Variants in C19orf38 observed in about 807,000 individuals in gnomAD.
C19orf38 encodes the protein chromosome 19 open reading frame 38.
Under a neutral mutation model 26.6 loss-of-function variants are expected in C19orf38, and 14 were observed. That is an observed-to-expected ratio of 0.53 (90% CI 0.35 to 0.82). The LOEUF (loss-of-function observed/expected upper bound fraction) is 0.82, where lower values mean the gene tolerates loss of function less well. Among genes scored for constraint, C19orf38 ranks in the 40% least tolerant of loss-of-function variants. The pLI, the probability that C19orf38 is intolerant of heterozygous loss-of-function variation, is 0.01. For synonymous variants in C19orf38, 132 were observed against 128.5 expected, an observed-to-expected ratio of 1.03 and a Z score of -0.18; for missense variants, 261 against 299.5, an observed-to-expected ratio of 0.87 and a Z score of 0.95.
At chr19:10,863,130 T>G in intron 5 of C19orf38, 40 bp from the exon 6 acceptor site, 1 of 1,542,952 alleles carries the variant, frequency 6.5e-7, no homozygotes. Context: ...AAGTTACAAC[T>G]GGCCCCCAAT....
chr19:10,842,282 A>G (rs149855882), intron 1 of C19orf38: 161,541 of 905,600 alleles, frequency 0.18, 15,725 homozygotes, highest in Middle Eastern at 0.25. Context: ...TTTTTTTGAG[A>G]CGGAGTCTCA....
intron 6 of C19orf38, 122 bp from the exon 7 acceptor site, chr19:10,869,096 G>T: frequency 7.8e-7 from 1 of 1,284,182 alleles, no homozygotes; most frequent in African/African-American, 1.5e-5. Context: ...GTGGGTGTGG[G>T]TGGGGGCGGG....
chr19:10,864,022 G>A (rs1363094032), intron 6 of C19orf38, among the ~76,000 whole-genome samples: 1 of 152,170 alleles, frequency 6.6e-6, no homozygotes. Context: ...CCCTGACACT[G>A]TGTGACAATG....
At chr19:10,857,360 ATATATATT>A (rs1352153688) in intron 3 of C19orf38, among the ~76,000 whole-genome samples, 2 of 82,086 alleles carry the variant, frequency 2.4e-5, no homozygotes, top group Non-Finnish European at 4.1e-5. Flanking sequence ...ATATATATAT[ATATATATT>A]TTTTTTTTTT....
At chr19:10,868,401 T>C (rs903936702) in intron 6 of C19orf38, among the ~76,000 whole-genome samples, 3 of 152,216 alleles carry the variant, frequency 2.0e-5, no homozygotes, top group Admixed American at 6.5e-5. Flanking sequence ...TTCATCTCTC[T>C]TTAACTAGGA....
chr19:10,859,244 ATGTGTG>A (rs35791729), intron 4 of C19orf38, among the ~76,000 whole-genome samples: 3,586 of 119,378 alleles, frequency 0.03, 50 homozygotes, highest in African/African-American at 0.042. Context: ...GCTTTTATAT[ATGTGTG>A]TGTGTGTGTG....
At chr19:10,846,592 A>T (rs1312566500), upstream of C19orf38, among the ~76,000 whole-genome samples, 1 of 152,206 alleles carries the variant, frequency 6.6e-6, no homozygotes, top group Non-Finnish European at 1.5e-5. Context: ...CACTTTGAAA[A>T]GATCAATAAC....
chr19:10,858,252 A>AAAC, intron 3 of C19orf38, 64 bp from the exon 4 acceptor site: 1 of 1,157,374 alleles, frequency 8.6e-7, no homozygotes, highest in Non-Finnish European at 1.2e-6. Flanking sequence ...AAAAAAAAAA[A>AAAC]CAGAAATTGC....
chr19:10,867,784 C>T (rs910777253), intron 6 of C19orf38, among the ~76,000 whole-genome samples: 3 of 150,322 alleles, frequency 2.0e-5, no homozygotes, highest in African/African-American at 7.3e-5. Flanking sequence ...TCCCAAGTAG[C>T]TGGGATTACA....
chr19:10,845,205 T>C (rs1224990726), upstream of C19orf38, among the ~76,000 whole-genome samples: 1 of 150,584 alleles, frequency 6.6e-6, no homozygotes, highest in Admixed American at 6.6e-5. Flanking sequence ...AATTCAAGAA[T>C]ATTCTGTGTA....
At chr19:10,865,848 T>C (rs2073746051) in intron 6 of C19orf38, among the ~76,000 whole-genome samples, 1 of 151,996 alleles carries the variant, frequency 6.6e-6, no homozygotes, top group Admixed American at 6.6e-5. Flanking sequence ...GGTCTTGCTC[T>C]GTCTCCCACG....
intron 4 of C19orf38, among the ~76,000 whole-genome samples, chr19:10,859,274 G>GTGTA (rs1296755745): frequency 2.3e-5 from 3 of 130,136 alleles, no homozygotes; most frequent in Admixed American, 7.7e-5. Context: ...GTGTGTGTGT[G>GTGTA]TGTGTATGTG....
chr19:10,868,493 G>A (rs1050309731), intron 6 of C19orf38, among the ~76,000 whole-genome samples: 1 of 152,140 alleles, frequency 6.6e-6, no homozygotes, highest in Non-Finnish European at 1.5e-5. Context: ...GAGGGGAGGA[G>A]GAGATAATAC....
At chr19:10,859,806 G>A (rs1193193109) in intron 4 of C19orf38, 109 bp from the exon 5 acceptor site, 13 of 990,900 alleles carry the variant, frequency 1.3e-5, no homozygotes. Flanking sequence ...TGGGTGGGGA[G>A]CAAAGGCTAC....
At chr19:10,850,743 T>G (rs1276943934) in intron 2 of C19orf38, among the ~76,000 whole-genome samples, 176 bp downstream of exon 2, 1 of 152,164 alleles carries the variant, frequency 6.6e-6, no homozygotes, top group Non-Finnish European at 1.5e-5. Flanking sequence ...ATTTGTTGGT[T>G]CACTGAGCTT....
chr19:10,837,592 C>T (rs1285449117), intron 1 of C19orf38, among the ~76,000 whole-genome samples: 3 of 146,190 alleles, frequency 2.1e-5, no homozygotes, highest in African/African-American at 7.6e-5. Flanking sequence ...CTGCAACCTC[C>T]GTCTCCTGGG....
At chr19:10,859,812 G>C in intron 4 of C19orf38, 103 bp from the exon 5 acceptor site, 1 of 1,045,994 alleles carries the variant, frequency 9.6e-7, no homozygotes, top group South Asian at 1.4e-5. Context: ...GGGAGCAAAG[G>C]CTACATTTTG....
chr19:10,845,876 CAAAAAAAA>C (rs967662038), upstream of C19orf38, among the ~76,000 whole-genome samples: 4 of 72,530 alleles, frequency 5.5e-5, no homozygotes, highest in East Asian at 7.5e-4. Flanking sequence ...AAGACTCCGT[CAAAAAAAA>C]AAAAAAAAAA....
upstream of C19orf38, among the ~76,000 whole-genome samples, chr19:10,844,619 G>A (rs750925703): frequency 2.0e-5 from 3 of 151,766 alleles, no homozygotes; most frequent in African/African-American, 2.4e-5. Context: ...AGGCTGAGGC[G>A]GGCAGATCAC....
Sources: gnomAD v4.1 joint callset for allele counts (sites outside exome capture counted in the v4.1 genomes callset) on GRCh38, gnomAD v4.1.1 for gene constraint, MANE v1.5 for transcripts, NCBI Gene and HGNC (gene_info 2026-07-23, HGNC 2026-07-21) for gene names.